Variants in RBFOX1 observed in about 807,000 individuals in gnomAD.
RBFOX1 encodes the protein RNA binding protein fox-1 homolog 1.
RBFOX1 carries 8 observed loss-of-function variants against 57.7 expected under a neutral mutation model. The observed-to-expected ratio is 0.14, with a 90% confidence interval of 0.08 to 0.25. RBFOX1 has a LOEUF of 0.25. Ranked by LOEUF, RBFOX1 falls within the 10% of genes least tolerant of loss-of-function variation. The pLI is 1.00. For synonymous variants in RBFOX1, 326 were observed against 222.4 expected, an observed-to-expected ratio of 1.47 and a Z score of -4.15; for missense variants, 611 against 548.5, an observed-to-expected ratio of 1.11 and a Z score of -1.14.
intron 4 of RBFOX1, among the ~76,000 whole-genome samples, chr16:7,214,027 C>A (rs12918478): frequency 1.3e-5 from 2 of 151,818 alleles, no homozygotes; most frequent in Admixed American, 6.6e-5. Context: ...TTGACCTCTC[C>A]CCTTTGCCTA....
intron 4 of RBFOX1, among the ~76,000 whole-genome samples, chr16:5,960,800 T>C (rs971350928): frequency 6.6e-6 from 1 of 152,196 alleles, no homozygotes; most frequent in Admixed American, 6.5e-5. Context: ...GCCCCTTTTA[T>C]GCAGAATTGA....
intron 4 of RBFOX1, among the ~76,000 whole-genome samples, chr16:7,062,205 G>T (rs2054532529): frequency 1.3e-5 from 2 of 150,606 alleles, no homozygotes; most frequent in African/African-American, 4.9e-5. Context: ...TGCAGTTCCA[G>T]CTACTCAGGA....
chr16:6,848,605 A>C (rs7196508), intron 3 of RBFOX1, among the ~76,000 whole-genome samples: 2 of 151,572 alleles, frequency 1.3e-5, no homozygotes, highest in African/African-American at 4.9e-5. Flanking sequence ...GAAAGAGAAG[A>C]TGTATGTGTA....
At chr16:6,807,847 T>C (rs866701030) in intron 3 of RBFOX1, among the ~76,000 whole-genome samples, 74 of 151,802 alleles carry the variant, frequency 4.9e-4, no homozygotes, top group African/African-American at 1.7e-3. Context: ...TATAGTTCTA[T>C]TGAATATGTA....
intron 3 of RBFOX1, among the ~76,000 whole-genome samples, chr16:5,809,884 T>A (rs34575854): frequency 0.55 from 82,961 of 150,896 alleles, 23,688 homozygotes; most frequent in South Asian, 0.66. Flanking sequence ...ACGTATGTTT[T>A]TTGCGGCACT....
chr16:6,544,554 T>G (rs1295987108), intron 2 of RBFOX1, among the ~76,000 whole-genome samples: 1 of 152,204 alleles, frequency 6.6e-6, no homozygotes, highest in African/African-American at 2.4e-5. Context: ...ACTCTTGGTA[T>G]TGTTTTCTCT....
intron 1 of RBFOX1, among the ~76,000 whole-genome samples, chr16:6,082,265 C>G (rs916534996): frequency 1.4e-5 from 2 of 140,854 alleles, no homozygotes; most frequent in African/African-American, 5.3e-5. Context: ...ATTGCAACCT[C>G]TGCCTCCCAG....
intron 3 of RBFOX1, among the ~76,000 whole-genome samples, chr16:6,852,292 C>T (rs1009389278): frequency 3.3e-5 from 5 of 152,102 alleles, no homozygotes; most frequent in African/African-American, 9.7e-5. Flanking sequence ...CTGTGTGTGC[C>T]TCTGCGTCTT....
intron 3 of RBFOX1, among the ~76,000 whole-genome samples, chr16:6,730,244 G>C (rs774442011): frequency 2.0e-4 from 31 of 152,146 alleles, no homozygotes; most frequent in Non-Finnish European, 4.1e-4. Context: ...CATATAGGGA[G>C]ATGGTAGAAC....
intron 3 of RBFOX1, among the ~76,000 whole-genome samples, chr16:6,996,603 C>G (rs752180526): frequency 2.0e-5 from 3 of 152,168 alleles, no homozygotes; most frequent in Non-Finnish European, 4.4e-5. Context: ...GCTTTAGGCA[C>G]TGTATTTTCA....
intron 4 of RBFOX1, among the ~76,000 whole-genome samples, chr16:7,379,748 G>A (rs967358457): frequency 2.7e-5 from 4 of 150,816 alleles, no homozygotes; most frequent in African/African-American, 9.8e-5. Context: ...CTGCCTGCTT[G>A]CCTGCCTGCC....
chr16:6,161,952 C>G lies in RBFOX1; in HGVS notation c.-127+141960C>G, dbSNP rs576464604. 1.3e-5 allele frequency among the ~76,000 whole-genome samples: 2 copies of G among 152,232 alleles called. 1 individual carries two copies. The highest frequency in any genetic ancestry group is 4.1e-4 in the South Asian group (2 of 4,838). On this transcript the variant is annotated intron_variant, in intron 1 of 15. Transcript: ENST00000550418. ...AGAAACTGCAGGGGCTGGAGGCCCT[C>G]TCAGTCCTTCACAGCCAACTAAGGG...
intron 4 of RBFOX1, among the ~76,000 whole-genome samples, chr16:7,197,998 C>CTTTCTTTTTTTTTTTTT (rs61556349): frequency 1.8e-5 from 1 of 55,592 alleles, no homozygotes; most frequent in Non-Finnish European, 3.2e-5. Context: ...TTCTTTCTTT[C>CTTTCTTTTTTTTTTTTT]TTTTTTTTTT....
chr16:5,855,360 TA>T (rs1249290547), intron 3 of RBFOX1, among the ~76,000 whole-genome samples: 2 of 152,218 alleles, frequency 1.3e-5, no homozygotes, highest in African/African-American at 4.8e-5. Flanking sequence ...GTTCAAGTCT[TA>T]TGTTTGAGTC....
intron 1 of RBFOX1, among the ~76,000 whole-genome samples, chr16:5,394,566 T>G (rs1423528282): frequency 1.6e-5 from 1 of 61,700 alleles, no homozygotes; most frequent in Non-Finnish European, 3.0e-5. Flanking sequence ...TCTTTCTGTC[T>G]TTTTTTTTTT....
At chr16:6,572,292 C>T (rs1359800755) in intron 2 of RBFOX1, among the ~76,000 whole-genome samples, 1 of 152,156 alleles carries the variant, frequency 6.6e-6, no homozygotes, top group Non-Finnish European at 1.5e-5. Context: ...ACCCATGACT[C>T]TTCCAAGTTG....
At chr16:6,182,272 A>C (rs1371996786) in intron 1 of RBFOX1, among the ~76,000 whole-genome samples, 3 of 152,118 alleles carry the variant, frequency 2.0e-5, no homozygotes, top group Admixed American at 6.6e-5. Flanking sequence ...ATTGGCTTCT[A>C]ATTTAGTTTT....
intron 4 of RBFOX1, among the ~76,000 whole-genome samples, chr16:7,115,419 C>G (rs141024603): frequency 1.3e-5 from 2 of 152,240 alleles, no homozygotes; most frequent in South Asian, 2.1e-4. Flanking sequence ...CCTTAGTTAC[C>G]TATTGCTATG....
At chr16:6,044,198 G>A (rs975862815) in intron 1 of RBFOX1, among the ~76,000 whole-genome samples, 3 of 152,142 alleles carry the variant, frequency 2.0e-5, no homozygotes, top group South Asian at 2.1e-4. Flanking sequence ...CTTGAATTAG[G>A]CTAGGCTAAA....
Sources: gnomAD v4.1 joint callset for allele counts (sites outside exome capture counted in the v4.1 genomes callset) on GRCh38, gnomAD v4.1.1 for gene constraint, MANE v1.5 for transcripts, NCBI Gene and HGNC (gene_info 2026-07-23, HGNC 2026-07-21) for gene names.